Variants in RALGAPA1 observed in about 807,000 individuals in gnomAD.
The protein encoded by RALGAPA1 is ral GTPase-activating protein subunit alpha-1.
A neutral mutation model predicts 269.6 loss-of-function variants in RALGAPA1; 52 were observed. That is an observed-to-expected ratio of 0.19 (90% CI 0.15 to 0.24). RALGAPA1 has a LOEUF of 0.24. Among genes scored for constraint, RALGAPA1 ranks in the 10% least tolerant of loss-of-function variants. The probability of loss-of-function intolerance (pLI) is 1.00; values close to 1 mark genes in which losing one functional copy is unlikely to be tolerated. For missense variants in RALGAPA1, 1,917 were observed against 3,013.9 expected (o/e 0.64, Z 8.52); for synonymous variants, 817 against 1,008.3 (o/e 0.81, Z 3.60).
At chr14:35,768,638 C>T (rs2074337178) in intron 4 of RALGAPA1, among the ~76,000 whole-genome samples, 1 of 151,996 alleles carries the variant, frequency 6.6e-6, no homozygotes, top group African/African-American at 2.4e-5. Context: ...CTTCAGTGAA[C>T]CATGATCAAT....
chr14:35,641,525 C>T lies in RALGAPA1; in HGVS notation c.5677-5927G>A, dbSNP rs150667296. ...TAGCTACAAATGAAATTAAATAGTT[C>T]GGAATTAATCTAAGAAGTGAAAGAT... On this transcript the variant is annotated intron_variant, in intron 31 of 41. Transcript: ENST00000680220. 8.4e-4 allele frequency among the ~76,000 whole-genome samples: 127 copies of T among 151,824 alleles called. 1 individual carries two copies. The highest frequency in any genetic ancestry group is 2.9e-3 in the African/African-American group (119 of 41,436).
chr14:35,689,716 A>G lies in RALGAPA1; in HGVS notation c.2695T>C (p.Ser899Pro). Residue 899 changes from serine to proline, a missense_variant, in exon 18 of 42, where the codon TCT (serine) becomes CCT (proline). Physicochemically the swap from Ser to Pro is moderately conservative, Grantham distance 74. Coordinates refer to ENST00000680220, the MANE Select transcript of RALGAPA1 (RefSeq NM_001346249.2). ...SHITDTHSRE[S>P]SLEVGDSIYD... ...ATGCTATCACCAACTTCCAGAGAAGACTCTCTACTATGAGTATCAGTGATG... is the reference window on the plus strand; with the variant it reads ...ATGCTATCACCAACTTCCAGAGAAGGCTCTCTACTATGAGTATCAGTGATG... The G allele has an allele frequency of 2.1e-6, 3 of 1,432,152 alleles. No homozygotes were observed. Among genetic ancestry groups the G allele is most frequent in the Non-Finnish European group, 2.7e-6 (3 of 1,095,788 alleles). The allele number at this position is 1,432,152 out of a possible 1,614,324, so 88.7% of individuals were successfully genotyped here.
intron 41 of RALGAPA1, among the ~76,000 whole-genome samples, chr14:35,546,450 A>T (rs1054749499): frequency 6.7e-6 from 1 of 148,912 alleles, no homozygotes; most frequent in African/African-American, 2.5e-5. Flanking sequence ...CTAAAATTTA[A>T]AGTGTAATAA....
Position 35,674,366 on chromosome 14 carries a change from A to C in RALGAPA1, c.4819-88T>G, listed in dbSNP as rs45485297. 2,871 of 1,279,864 alleles carry C rather than the reference A, an allele frequency of 2.2e-3. 9 individuals are homozygous for C. The highest frequency in any genetic ancestry group is 2.9e-3 in the Non-Finnish European group (2,629 of 918,502). The allele number at this position is 1,279,864 out of a possible 1,614,324, so 79.3% of individuals were successfully genotyped here. A position where few individuals can be genotyped will look rare whatever the true frequency, so the allele number is the denominator to read the frequency against. ...AAACTGAATTTCAAATCCAGTTTCT[A>C]CACTTACTATTTAATTACAATTAAG... On this transcript the variant is annotated intron_variant, in intron 23 of 41. Transcript: ENST00000680220.
intron 37 of RALGAPA1, among the ~76,000 whole-genome samples, chr14:35,594,254 T>C (rs2058801512): frequency 6.6e-6 from 1 of 151,840 alleles, no homozygotes. Flanking sequence ...AGGCTACAAA[T>C]ACAAAAATAA....
chr14:35,662,600 C>T (rs2063613841), intron 27 of RALGAPA1, among the ~76,000 whole-genome samples: 1 of 152,138 alleles, frequency 6.6e-6, no homozygotes, highest in Non-Finnish European at 1.5e-5. Context: ...TTACTGCCTA[C>T]ACAAGGGCCA....
intron 26 of RALGAPA1, among the ~76,000 whole-genome samples, chr14:35,665,788 T>G (rs567084473): frequency 5.1e-4 from 77 of 152,302 alleles, no homozygotes; most frequent in Non-Finnish European, 9.1e-4. Flanking sequence ...AGAGATTAGC[T>G]GAGAGTTTTT....
chr14:35,617,258 G>C (rs1183864112), intron 35 of RALGAPA1, among the ~76,000 whole-genome samples: 1 of 152,106 alleles, frequency 6.6e-6, no homozygotes. Flanking sequence ...GAGGCGGGTG[G>C]ATCACCTAAG....
chr14:35,654,280 A>T (rs1192162803), intron 30 of RALGAPA1, 87 bp downstream of exon 30: 16 of 1,346,394 alleles, frequency 1.2e-5, no homozygotes, highest in African/African-American at 3.0e-5. Flanking sequence ...AAAAAATTTT[A>T]AAACTATTAA....
Position 35,688,825 on chromosome 14 carries a change from T to A in RALGAPA1, c.3586A>T (p.Thr1196Ser), listed in dbSNP as rs2066211106. The A allele has an allele frequency of 2.9e-6, 4 of 1,360,684 alleles. No homozygotes were observed. In the South Asian group the frequency reaches 8.7e-5, roughly 30 times the overall value. 84.3% of individuals were successfully genotyped at this position (1,360,684 alleles called of 1,614,324 possible). The change falls in exon 18 of 42, where the codon ACC (threonine) becomes TCC (serine). Residue 1196 changes from threonine to serine, a missense_variant. Transcript: ENST00000680220. ...GTAGCACTATTTGTGCTGGTATGGG[T>A]GTTGCTAGTGCTGCTATTGCTGCTA... ...SGSSNSSTSN[T>S]HTSTNSATEL...
Position 35,689,454 on chromosome 14 carries a change from G to A in RALGAPA1, c.2957C>T (p.Thr986Ile). Reference sequence around the variant, plus strand: ...ATTTTCTGATTCAGTTTCCTGATCTGTGCATTCTAATTTATCTAAGGATAA... The same window carrying A: ...ATTTTCTGATTCAGTTTCCTGATCTATGCATTCTAATTTATCTAAGGATAA... ...ERLSLDKLECTDQETESENIT... is the reference protein window; with the variant it reads ...ERLSLDKLECIDQETESENIT... The change falls in exon 18 of 42, where the codon ACA becomes ATA. Residue 986 changes from threonine to isoleucine, a missense_variant. This residue lies in a region of RALGAPA1 where 615 missense variants were observed against 790.0 expected (regional missense o/e 0.78). Coordinates refer to ENST00000680220, the MANE Select transcript of RALGAPA1 (RefSeq NM_001346249.2). The A allele has an allele frequency of 8.1e-7, 1 of 1,233,508 alleles. No individual in the cohort carries two copies. Among genetic ancestry groups the A allele is most frequent in the Non-Finnish European group, 1.0e-6 (1 of 988,998 alleles). 76.4% of individuals were successfully genotyped at this position (1,233,508 alleles called of 1,614,324 possible).
chr14:35,718,227 T>C (rs1020085589), intron 16 of RALGAPA1, among the ~76,000 whole-genome samples: 1 of 152,226 alleles, frequency 6.6e-6, no homozygotes, highest in Non-Finnish European at 1.5e-5. Flanking sequence ...TCAGCTCCAG[T>C]GGAATTTACT....
rs2059101091 is a variant in RALGAPA1, at chr14:35,598,931, T to C, written c.7054-3142A>G. On this transcript the variant is annotated intron_variant, in intron 36 of 41. Coordinates refer to ENST00000680220, the MANE Select transcript of RALGAPA1 (RefSeq NM_001346249.2). ...TTTTATTTTTCCTGCCTCCTGTGGC[T>C]AACTTGAACATTTTCTAGAACTCTG... is the stretch of plus-strand genomic sequence containing the variant. 2.0e-5 allele frequency among the ~76,000 whole-genome samples: 3 copies of C among 152,248 alleles called. No homozygotes were observed. In the South Asian group the frequency reaches 6.2e-4, roughly 31 times the overall value.
intron 9 of RALGAPA1, among the ~76,000 whole-genome samples, chr14:35,749,298 G>A (rs28380541): frequency 0.11 from 16,981 of 151,792 alleles, 1,565 homozygotes; most frequent in East Asian, 0.37. Flanking sequence ...AAAAACAAAG[G>A]AACAAAATTT....
intron 39 of RALGAPA1, among the ~76,000 whole-genome samples, chr14:35,557,136 G>A (rs28468687): frequency 0.31 from 45,190 of 148,110 alleles, 8,649 homozygotes; most frequent in African/African-American, 0.53. Flanking sequence ...GTGTGTGTGT[G>A]TATATATATT....
intron 37 of RALGAPA1, among the ~76,000 whole-genome samples, chr14:35,590,941 C>T (rs1272106641): frequency 1.3e-5 from 2 of 151,966 alleles, no homozygotes; most frequent in South Asian, 2.1e-4. Context: ...CAATAGAAAC[C>T]CTGGGGCAAA....
intron 33 of RALGAPA1, among the ~76,000 whole-genome samples, chr14:35,631,446 G>A (rs959712156): frequency 1.8e-4 from 28 of 151,866 alleles, no homozygotes; most frequent in African/African-American, 5.3e-4. Flanking sequence ...AGACTAAACC[G>A]AATTTTAAAT....
At chr14:35,556,706 C>G (rs2055640629) in intron 39 of RALGAPA1, among the ~76,000 whole-genome samples, 1 of 152,114 alleles carries the variant, frequency 6.6e-6, no homozygotes, top group African/African-American at 2.4e-5. Context: ...ATTGCCAAGT[C>G]TATATTGTTT....
intron 35 of RALGAPA1, among the ~76,000 whole-genome samples, chr14:35,607,556 C>A (rs956888347): frequency 6.6e-6 from 1 of 152,296 alleles, no homozygotes; most frequent in East Asian, 1.9e-4. Context: ...GCCAGAAGAG[C>A]GAGCTAAGAC....
Sources: allele counts gnomAD v4.1 joint callset (sites outside exome capture counted in the v4.1 genomes callset), GRCh38; gene constraint gnomAD v4.1.1; regional missense constraint gnomAD v4.1.1; transcripts MANE v1.5; gene names NCBI Gene and HGNC (gene_info 2026-07-23, HGNC 2026-07-21).